Variants in LEKR1 observed in about 807,000 individuals in gnomAD.
The protein encoded by LEKR1 is protein LEKR1.
In LEKR1, 59 loss-of-function variants were observed where a neutral mutation model predicts 72.4. The ratio of observed to expected loss-of-function variants is 0.82; its 90% CI spans 0.66 to 1.01. The LOEUF is 1.01. Among genes scored for constraint, LEKR1 ranks in the 50% least tolerant of loss-of-function variants. LEKR1 has a pLI of 0.00. For missense variants in LEKR1, 728 were observed against 759.2 expected, an observed-to-expected ratio of 0.96 and a Z score of 0.48; for synonymous variants, 257 against 263.2, an observed-to-expected ratio of 0.98 and a Z score of 0.23.
At chr3:156,904,214 A>C (rs944309551) in intron 3 of LEKR1, among the ~76,000 whole-genome samples, 2 of 152,188 alleles carry the variant, frequency 1.3e-5, no homozygotes, top group Non-Finnish European at 2.9e-5. Context: ...TGATTTTATT[A>C]AGGATACTTT....
intron 3 of LEKR1, among the ~76,000 whole-genome samples, chr3:156,868,652 GT>G (rs1473927804): frequency 6.6e-6 from 1 of 151,982 alleles, no homozygotes; most frequent in African/African-American, 2.4e-5. Flanking sequence ...ATCACCTTGA[GT>G]TTTTATAATT....
At chr3:156,914,983 C>T (rs1723476961) in intron 3 of LEKR1, among the ~76,000 whole-genome samples, 1 of 152,090 alleles carries the variant, frequency 6.6e-6, no homozygotes, top group Non-Finnish European at 1.5e-5. Flanking sequence ...TTGTTCCCCT[C>T]TTTGTGTCCA....
chr3:156,849,148 C>A (rs577855257), intron 2 of LEKR1, among the ~76,000 whole-genome samples: 1 of 152,148 alleles, frequency 6.6e-6, no homozygotes, highest in African/African-American at 2.4e-5. Flanking sequence ...GAGTGAACTC[C>A]CATTCACAAT....
At chr3:156,918,238 G>A (rs1484978323) in intron 3 of LEKR1, among the ~76,000 whole-genome samples, 1 of 152,070 alleles carries the variant, frequency 6.6e-6, no homozygotes, top group Non-Finnish European at 1.5e-5. Flanking sequence ...GTATAGGAGG[G>A]TCAATTCTTA....
chr3:156,838,358 A>G (rs1389199792), intron 2 of LEKR1, among the ~76,000 whole-genome samples: 1 of 152,204 alleles, frequency 6.6e-6, no homozygotes, highest in African/African-American at 2.4e-5. Context: ...GATAAAGACA[A>G]ACAAAAAGGC....
chr3:156,847,073 G>T (rs989189287), intron 2 of LEKR1, among the ~76,000 whole-genome samples: 2 of 152,090 alleles, frequency 1.3e-5, no homozygotes, highest in Non-Finnish European at 1.5e-5. Flanking sequence ...CTCCCAAAGC[G>T]CTGGGATCAC....
At chr3:156,988,699 T>C (rs906146449) in intron 7 of LEKR1, 3 of 231,346 alleles carry the variant, frequency 1.3e-5, no homozygotes, top group African/African-American at 6.9e-5. Context: ...CACTTGTTTG[T>C]CTCTGGCCTC....
At chr3:156,983,536 C>A (rs535119211) in intron 7 of LEKR1, among the ~76,000 whole-genome samples, 12 of 152,238 alleles carry the variant, frequency 7.9e-5, no homozygotes, top group South Asian at 4.1e-4. Context: ...AATGCACTCC[C>A]CACATGATAC....
At chr3:156,899,265 TACAC>T (rs1560063099) in intron 3 of LEKR1, among the ~76,000 whole-genome samples, 1 of 116,038 alleles carries the variant, frequency 8.6e-6, no homozygotes, top group South Asian at 2.7e-4. Flanking sequence ...TATATATATA[TACAC>T]ACATGTATAT....
intron 10 of LEKR1, among the ~76,000 whole-genome samples, chr3:157,013,700 G>A (rs1180513301): frequency 2.6e-5 from 4 of 152,028 alleles, no homozygotes; most frequent in African/African-American, 9.7e-5. Flanking sequence ...ATTATGCCTT[G>A]GCTGTGTTAG....
intron 6 of LEKR1, among the ~76,000 whole-genome samples, chr3:156,960,775 A>T (rs1000534283): frequency 6.6e-6 from 1 of 152,178 alleles, no homozygotes; most frequent in African/African-American, 2.4e-5. Flanking sequence ...TAGCAACCTA[A>T]CTCTTAATGC....
At chr3:156,956,524 C>G (rs1309605100) in intron 6 of LEKR1, among the ~76,000 whole-genome samples, 1 of 151,688 alleles carries the variant, frequency 6.6e-6, no homozygotes, top group East Asian at 1.9e-4. Context: ...GGGGAAAAAG[C>G]AAAATTATAT....
intron 12 of LEKR1, among the ~76,000 whole-genome samples, chr3:157,041,944 C>A (rs1208505698): frequency 6.6e-6 from 1 of 152,228 alleles, no homozygotes; most frequent in Non-Finnish European, 1.5e-5. Context: ...TGTATACTTA[C>A]TCTAGGCACA....
intron 10 of LEKR1, among the ~76,000 whole-genome samples, chr3:157,011,847 T>C (rs556020275): frequency 1.8e-4 from 28 of 152,240 alleles, no homozygotes; most frequent in Admixed American, 5.2e-4. Flanking sequence ...AAATAATTCT[T>C]ACAACTTCTC....
intron 3 of LEKR1, among the ~76,000 whole-genome samples, chr3:156,873,170 AC>A (rs1718158847): frequency 6.6e-6 from 1 of 151,702 alleles, no homozygotes; most frequent in Non-Finnish European, 1.5e-5. Context: ...TTATATAATG[AC>A]CTTTTTTGTG....
At chr3:156,969,588 T>C (rs1392727467) in intron 6 of LEKR1, among the ~76,000 whole-genome samples, 2 of 152,158 alleles carry the variant, frequency 1.3e-5, no homozygotes, top group Non-Finnish European at 2.9e-5. Context: ...ATTGAATCTC[T>C]GAATAGACCA....
At chr3:157,019,764 A>C (rs563732494) in intron 10 of LEKR1, among the ~76,000 whole-genome samples, 1 of 152,336 alleles carries the variant, frequency 6.6e-6, no homozygotes, top group East Asian at 1.9e-4. Context: ...TTTGGCATGA[A>C]TGCACCTACT....
At chr3:156,845,891 T>C (rs550621318) in intron 2 of LEKR1, among the ~76,000 whole-genome samples, 167 of 152,290 alleles carry the variant, frequency 1.1e-3, no homozygotes, top group Non-Finnish European at 1.8e-3. Flanking sequence ...AGAAATTGGA[T>C]TATACCAATT....
chr3:157,024,853 G>C lies in LEKR1; in HGVS notation c.1297G>C (p.Asp433His). 5 of 1,609,868 alleles carry C rather than the reference G, an allele frequency of 3.1e-6. No individual in the cohort carries two copies. Among genetic ancestry groups the C allele is most frequent in the Non-Finnish European group, 4.2e-6 (5 of 1,177,138 alleles). The part of the protein sequence containing the change: ...LFKEETKLQL[D>H]IEKEKHQDVI... ...TAAGGAAGAAACAAAATTGCAACTTGATATTGAAAAAGAAAAACACCAAGA... is the reference window on the plus strand; with the variant it reads ...TAAGGAAGAAACAAAATTGCAACTTCATATTGAAAAAGAAAAACACCAAGA... Residue 433 changes from aspartate to histidine, a missense_variant, in exon 11 of 13, where the codon GAT becomes CAT. Coordinates refer to ENST00000356539, the MANE Select transcript of LEKR1 (RefSeq NM_001004316.3).
Sources: allele counts gnomAD v4.1 joint callset (sites outside exome capture counted in the v4.1 genomes callset), GRCh38; gene constraint gnomAD v4.1.1; transcripts MANE v1.5; gene names NCBI Gene and HGNC (gene_info 2026-07-23, HGNC 2026-07-21).